TSNARE1: variants seen among roughly 807,000 people sequenced by gnomAD.
TSNARE1 encodes t-SNARE domain containing 1, also known as t-SNARE domain-containing protein 1.
A neutral mutation model predicts 62.0 loss-of-function variants in TSNARE1; 49 were observed. The ratio of observed to expected loss-of-function variants is 0.79; its 90% CI spans 0.63 to 1.00. The LOEUF (loss-of-function observed/expected upper bound fraction) is 1.00, where lower values mean the gene tolerates loss of function less well. Among genes scored for constraint, TSNARE1 ranks in the 50% least tolerant of loss-of-function variants. The pLI is 0.00. For missense variants in TSNARE1, 755 were observed against 700.1 expected, an observed-to-expected ratio of 1.08 and a Z score of -0.88; for synonymous variants, 328 against 294.4, an observed-to-expected ratio of 1.11 and a Z score of -1.17.
chr8:142,389,958 T>A (rs770463287), intron 1 of TSNARE1, among the ~76,000 whole-genome samples: 3 of 152,186 alleles, frequency 2.0e-5, no homozygotes, highest in Non-Finnish European at 4.4e-5. Context: ...GGCCATGTGG[T>A]AAAATCTATT....
At chr8:142,273,323 C>A (rs576731948) in intron 12 of TSNARE1, 1 of 985,444 alleles carries the variant, frequency 1.0e-6, no homozygotes, top group South Asian at 4.7e-5. Context: ...TGAAACAAGG[C>A]CTTCTGCGTG....
In TSNARE1 at chr8:142,344,432, G is replaced by A; in HGVS notation, c.279C>T (p.Pro93=). The change falls in exon 4 of 14, where the codon CCC becomes CCT. Residue 93 remains proline, a synonymous_variant. Transcript: ENST00000524325. ...TCGGGCCAATGGTGGGTGATGAGGTGGGCTCCGGCATCCGGCTGCCTTCAG... is the reference window on the plus strand; with the variant it reads ...TCGGGCCAATGGTGGGTGATGAGGTAGGCTCCGGCATCCGGCTGCCTTCAG... The part of the protein sequence containing the change: ...VAPEGSRMPE[P]TSSPTIGPRK... The A allele has an allele frequency of 3.2e-6, 5 of 1,584,104 alleles. No homozygotes were observed. The highest frequency in any genetic ancestry group is 4.3e-6 in the Non-Finnish European group (5 of 1,166,660).
At chr8:142,376,554 A>G (rs898650579) in intron 1 of TSNARE1, among the ~76,000 whole-genome samples, 1 of 152,144 alleles carries the variant, frequency 6.6e-6, no homozygotes, top group African/African-American at 2.4e-5. Flanking sequence ...GGCCCCCCAG[A>G]ACCACCCCTG....
intron 1 of TSNARE1, among the ~76,000 whole-genome samples, chr8:142,364,316 C>T (rs760513055): frequency 4.6e-5 from 7 of 152,182 alleles, no homozygotes; most frequent in African/African-American, 9.7e-5. Context: ...CAGTGGTACT[C>T]GATTAGAACT....
At chr8:142,358,701 A>G (rs951603513) in intron 1 of TSNARE1, among the ~76,000 whole-genome samples, 3 of 151,428 alleles carry the variant, frequency 2.0e-5, no homozygotes, top group Admixed American at 1.3e-4. Flanking sequence ...AAATGGCAGC[A>G]CATGTCTTCT....
At position 142,212,197 on chromosome 8, in the gene TSNARE1, A is replaced by G. The variant is rs11992923; in HGVS notation, c.*128T>C. 0.92 allele frequency: 140,958 copies of G among 152,514 alleles called. 65,262 individuals carry two copies. Among genetic ancestry groups the G allele is most frequent in the African/African-American group, 0.97 (40,480 of 41,570 alleles). 9.4% of individuals were successfully genotyped at this position (152,514 alleles called of 1,614,324 possible). ...AAGCTCTCGGGTCCATTGCAGGCCA[A>G]GTGACGGCATCAGCTGACAACGCAG... is the stretch of plus-strand genomic sequence containing the variant. On this transcript the variant is annotated 3_prime_UTR_variant, in exon 14 of 14. Coordinates refer to ENST00000524325, the MANE Select transcript of TSNARE1 (RefSeq NM_145003.5).
At chr8:142,260,585 CT>C (rs1818810824) in intron 12 of TSNARE1, among the ~76,000 whole-genome samples, 2 of 152,266 alleles carry the variant, frequency 1.3e-5, no homozygotes, top group South Asian at 4.1e-4. Context: ...AGCCTCACTT[CT>C]CAGAACCTTG....
At chr8:142,351,247 A>T (rs964852669) in intron 2 of TSNARE1, among the ~76,000 whole-genome samples, 11 of 152,356 alleles carry the variant, frequency 7.2e-5, no homozygotes, top group African/African-American at 2.2e-4. Context: ...ACATTTAGAA[A>T]ATTAAAACAT....
intron 9 of TSNARE1, among the ~76,000 whole-genome samples, chr8:142,305,850 C>T (rs1277717555): frequency 1.3e-5 from 2 of 152,170 alleles, no homozygotes; most frequent in East Asian, 3.9e-4. Flanking sequence ...GTCCCTGTTC[C>T]GACACGTAGG....
At chr8:142,352,594 T>A (rs1351208003) in intron 2 of TSNARE1, among the ~76,000 whole-genome samples, 1 of 152,262 alleles carries the variant, frequency 6.6e-6, no homozygotes, top group African/African-American at 2.4e-5. Context: ...CCCAACGTGA[T>A]GCAGCGCGGA....
intron 1 of TSNARE1, among the ~76,000 whole-genome samples, chr8:142,386,397 A>G (rs148334478): frequency 6.6e-6 from 1 of 152,212 alleles, no homozygotes; most frequent in Non-Finnish European, 1.5e-5. Flanking sequence ...CTTCAATATA[A>G]GAACTCTTTA....
At chr8:142,252,399 C>G (rs950903873) in intron 12 of TSNARE1, among the ~76,000 whole-genome samples, 1 of 152,198 alleles carries the variant, frequency 6.6e-6, no homozygotes, top group South Asian at 2.1e-4. Context: ...TGGAACCTCT[C>G]TGAGCCTCTC....
At chr8:142,234,186 C>T (rs746210685) in intron 12 of TSNARE1, among the ~76,000 whole-genome samples, 4 of 151,996 alleles carry the variant, frequency 2.6e-5, no homozygotes, top group Non-Finnish European at 5.9e-5. Context: ...AGGGAAGGTT[C>T]CAAGATGGCG....
chr8:142,303,649 C>A (rs1046454637), intron 9 of TSNARE1, among the ~76,000 whole-genome samples: 1 of 152,230 alleles, frequency 6.6e-6, no homozygotes, highest in Non-Finnish European at 1.5e-5. Context: ...GGACACCGAA[C>A]CAGTGGATCT....
At chr8:142,239,890 G>T (rs555311428) in intron 12 of TSNARE1, among the ~76,000 whole-genome samples, 1 of 152,312 alleles carries the variant, frequency 6.6e-6, no homozygotes, top group Admixed American at 6.5e-5. Flanking sequence ...TTCTGCGACT[G>T]TTATGTACAT....
chr8:142,355,381 G>C (rs1308957323), intron 1 of TSNARE1, among the ~76,000 whole-genome samples: 1 of 152,222 alleles, frequency 6.6e-6, no homozygotes, highest in Admixed American at 6.5e-5. Flanking sequence ...CTGCGTCTTA[G>C]GGCTGTTGTG....
chr8:142,219,418 G>A (rs4075095), intron 13 of TSNARE1, among the ~76,000 whole-genome samples: 14,789 of 152,190 alleles, frequency 0.097, 2,068 homozygotes, highest in African/African-American at 0.31. Flanking sequence ...GTCGGGTCCC[G>A]GTATCTGCAG....
intron 6 of TSNARE1, among the ~76,000 whole-genome samples, chr8:142,330,504 T>A (rs1168824988): frequency 1.3e-5 from 2 of 152,238 alleles, no homozygotes; most frequent in Non-Finnish European, 2.9e-5. Flanking sequence ...TACATCTGTG[T>A]CACCTCCTGT....
upstream of TSNARE1, chr8:142,406,707 G>A (rs7463430): frequency 0.82 from 124,349 of 152,312 alleles, 50,843 homozygotes; most frequent in Middle Eastern, 0.86. Flanking sequence ...GGGGCAGAGC[G>A]GTCATGAGGC....
Sources: allele counts gnomAD v4.1 joint callset (sites outside exome capture counted in the v4.1 genomes callset), GRCh38; gene constraint gnomAD v4.1.1; transcripts MANE v1.5; gene names NCBI Gene and HGNC (gene_info 2026-07-23, HGNC 2026-07-21).